The following WAS variants were observed in gnomAD, a reference collection of about 807,000 sequenced individuals.
The protein encoded by WAS is WASP actin nucleation promoting factor, also known as actin nucleation-promoting factor WAS.
WAS carries 1 observed loss-of-function variant against 38.9 expected under a neutral mutation model. The observed-to-expected ratio is 0.03, with a 90% CI of 0.01 to 0.12. The LOEUF (loss-of-function observed/expected upper bound fraction) is 0.12, where lower values mean the gene tolerates loss of function less well. WAS is among the 10% of genes least tolerant of loss of function. The pLI, the probability that WAS is intolerant of heterozygous loss-of-function variation, is 1.00. For synonymous variants in WAS, 182 were observed against 173.6 expected (o/e 1.05, Z -0.38); for missense variants, 311 against 431.2 (o/e 0.72, Z 2.47).
intron 11 of WAS, among the ~76,000 whole-genome samples, chrX:48,689,992 A>G (rs1430625820): frequency 1.9e-5 from 2 of 107,281 alleles, no homozygotes; most frequent in Non-Finnish European, 3.9e-5. Flanking sequence ...CAGAGATCCT[A>G]TCTCAAAAAA....
upstream of WAS, chrX:48,683,722 C>T: frequency 1.0e-6 from 1 of 1,001,316 alleles, no homozygotes; most frequent in Non-Finnish European, 1.3e-6. Flanking sequence ...CACCAAGGGG[C>T]CCCTGGAGGA....
chrX:48,681,049 T>C (rs1273540888), upstream of WAS, among the ~76,000 whole-genome samples: 1 of 111,796 alleles, frequency 8.9e-6, no homozygotes, highest in Non-Finnish European at 1.9e-5. Context: ...GGAACAACAA[T>C]TTCTCTCATA....
chrX:48,689,212 C>T (rs782198309), intron 10 of WAS, 108 bp from the exon 11 acceptor site: 10 of 944,831 alleles, frequency 1.1e-5, no homozygotes, highest in Non-Finnish European at 1.5e-5. Context: ...GGTGGGAAGC[C>T]TTGAAGGGGA....
chrX:48,690,008 A>AT (rs1192825348), intron 11 of WAS, among the ~76,000 whole-genome samples: 8 of 110,796 alleles, frequency 7.2e-5, no homozygotes, highest in African/African-American at 2.6e-4. Flanking sequence ...AAAAAAAAAA[A>AT]AATTAACCCA....
chrX:48,682,221 C>A (rs932310708), upstream of WAS, among the ~76,000 whole-genome samples: 9 of 112,329 alleles, frequency 8.0e-5, no homozygotes, highest in Non-Finnish European at 1.3e-4. Context: ...GAACCAGAAG[C>A]AGCCCAAAGG....
In WAS at chrX:48,684,328, G is replaced by A; in HGVS notation, c.178G>A (p.Gly60Arg). 8.3e-7 allele frequency: 1 copy of A among 1,211,735 alleles called. No individual in the cohort carries two copies. The highest frequency in any genetic ancestry group is 1.1e-6 in the Non-Finnish European group (1 of 895,517). ...TCAGCTGTACCTGGCGCTGCCCCCT[G>A]GAGCTGAGCACTGGACCAAGGAGCA... ...VVQLYLALPP[G>R]AEHWTKEHCG... The change falls in exon 2 of 12, where the codon GGA (glycine) becomes AGA (arginine). Residue 60 changes from glycine (G) to arginine (R), a missense_variant. Physicochemically the swap from Gly to Arg is moderately radical, Grantham distance 125. Around this residue, in one of 4 missense-constraint regions of WAS, gnomAD observed 64 missense variants for 122.5 expected, o/e 0.52. Transcript: ENST00000376701.
In WAS at chrX:48,689,084, G is replaced by A. The variant is rs1557007366; in HGVS notation, c.1338+18G>A. On this transcript the variant is annotated intron_variant, in intron 10 of 11. Coordinates refer to ENST00000376701, the MANE Select transcript of WAS (RefSeq NM_000377.3). ...TGAACAAGGTGAGGACAGGCAGGAT[G>A]GAGGATTGGGGGTCTAGGACTCTGG... The A allele has an allele frequency of 8.4e-7, 1 of 1,187,478 alleles. No homozygotes were observed. Among genetic ancestry groups the A allele is most frequent in the Non-Finnish European group, 1.1e-6 (1 of 882,386 alleles).
chrX:48,689,014 G>A lies in WAS; in HGVS notation c.1286G>A (p.Gly429Glu), dbSNP rs2062430893. ...CCTGCCGGGGGCCTGGCCCCTGGTG[G>A]GGGTCGGGGAGCGCTTTTGGATCAA... ...LVPAGGLAPGGGRGALLDQIR... is the reference protein window; with the variant it reads ...LVPAGGLAPGEGRGALLDQIR... The change falls in exon 10 of 12, where the codon GGG (glycine) becomes GAG (glutamate). Residue 429 changes from glycine (G) to glutamate (E), a missense_variant. This residue lies in a region of WAS where 142 missense variants were observed against 157.6 expected (regional missense o/e 0.90). Transcript: ENST00000376701. 4 of 1,202,571 alleles carry A rather than the reference G, an allele frequency of 3.3e-6. No homozygotes were observed. Among genetic ancestry groups the A allele is most frequent in the Non-Finnish European group, 3.4e-6 (3 of 892,935 alleles).
At chrX:48,682,045 G>A (rs149941344), upstream of WAS, among the ~76,000 whole-genome samples, 97 of 112,107 alleles carry the variant, frequency 8.7e-4, no homozygotes, top group Non-Finnish European at 1.1e-3. Context: ...TGGGGAGGCC[G>A]GGGACTGAGC....
Position 48,685,600 on chromosome X carries a change from C to T in WAS, c.327C>T (p.Thr109=), listed in dbSNP as rs1288545461. 8.3e-7 allele frequency: 1 copy of T among 1,202,914 alleles called. No individual in the cohort carries two copies. Among genetic ancestry groups the T allele is most frequent in the Non-Finnish European group, 1.1e-6 (1 of 891,090 alleles). The change falls in exon 3 of 12, where the codon ACC becomes ACT. Residue 109 remains threonine, a synonymous_variant. Coordinates refer to ENST00000376701, the MANE Select transcript of WAS (RefSeq NM_000377.3). ...QELYSQLVYS[T]PTPFFHTFAG... is the part of the protein sequence containing the mutation. ...TGTACTCACAGCTTGTCTACTCCAC[C>T]CCCACCCCCTTCTTCCACACCTTCG...
intron 6 of WAS, 70 bp from the exon 7 acceptor site, chrX:48,686,711 G>A (rs1195511585): frequency 1.1e-5 from 13 of 1,168,357 alleles, no homozygotes; most frequent in African/African-American, 3.6e-5. Flanking sequence ...CAAGGCTTCC[G>A]TTTCTTGCCC....
At chrX:48,686,402 GTAGA>G (rs1346553279) in intron 6 of WAS, among the ~76,000 whole-genome samples, 1 of 112,041 alleles carries the variant, frequency 8.9e-6, no homozygotes, top group Non-Finnish European at 1.9e-5. Flanking sequence ...GAATGAAAAG[GTAGA>G]TGGATGACTG....
chrX:48,689,398 G>A lies in WAS; in HGVS notation c.1417G>A (p.Val473Met). Residue 473 changes from valine (V) to methionine (M), a missense_variant, in exon 11 of 12, where the codon GTG becomes ATG. Transcript: ENST00000376701. ...SEGLVGALMH[V>M]MQKRSRAIHS... The stretch of plus-strand genomic sequence containing the variant: ...GGGACTGGTGGGGGCCCTGATGCAC[G>A]TGATGCAGAAGAGAAGCAGAGCCAT... 1 of 1,210,001 alleles carries A rather than the reference G, an allele frequency of 8.3e-7. No homozygotes were observed. The highest frequency in any genetic ancestry group is 1.1e-6 in the Non-Finnish European group (1 of 894,943).
chrX:48,689,273 C>G, intron 10 of WAS, 47 bp from the exon 11 acceptor site: 1 of 1,099,904 alleles, frequency 9.1e-7, no homozygotes, highest in Non-Finnish European at 1.2e-6. Context: ...GAGAAATGCT[C>G]CTTTCCCAGG....
rs1307506098 is a variant in WAS, at chrX:48,677,315, C to T, written c.-131+567C>T. Among the ~76,000 whole-genome samples, 3 of 110,517 alleles carry T rather than the reference C, an allele frequency of 2.7e-5. No individual in the cohort carries two copies. In the Admixed American group the frequency reaches 2.9e-4, roughly 11 times the overall value. On this transcript the variant is annotated intron_variant, in intron 1 of 8. Transcript: ENST00000450772. ...CACCAATGGTGGTGGAACCTGGAAG[C>T]CTGAGGGAGGAAGGTGAGGAGGCGC...
At chrX:48,685,450 C>A in intron 2 of WAS, 97 bp from the exon 3 acceptor site, 1 of 647,054 alleles carries the variant, frequency 1.5e-6, no homozygotes, top group East Asian at 3.5e-5. Flanking sequence ...TATGAGGCTC[C>A]CAAATCCAGA....
upstream of WAS, among the ~76,000 whole-genome samples, chrX:48,679,523 C>T (rs2062397026): frequency 9.0e-6 from 1 of 111,638 alleles, no homozygotes; most frequent in Non-Finnish European, 1.9e-5. Context: ...GTGGCTCACA[C>T]CTGTAATCCC....
In WAS at chrX:48,689,360, C is replaced by T. The variant is rs782489472; in HGVS notation, c.1379C>T (p.Pro460Leu). Residue 460 changes from proline to leucine, a missense_variant, in exon 11 of 12, where the codon CCT becomes CTT. Coordinates refer to ENST00000376701, the MANE Select transcript of WAS (RefSeq NM_000377.3). ...GAGAGCTCAGCGCTGCAGCCACCAC[C>T]TCAGAGCTCAGAGGGACTGGTGGGG... The part of the protein sequence containing the change: ...APESSALQPP[P>L]QSSEGLVGAL... The T allele has an allele frequency of 5.0e-6, 6 of 1,209,313 alleles. No individual in the cohort carries two copies. In the South Asian group the frequency reaches 1.1e-4, roughly 22 times the overall value.
intron 6 of WAS, among the ~76,000 whole-genome samples, chrX:48,686,505 A>G (rs2062420380): frequency 8.9e-6 from 1 of 112,835 alleles, no homozygotes; most frequent in Non-Finnish European, 1.9e-5. Flanking sequence ...GATTGAATGA[A>G]TAAATGAGTA....
Sources: allele counts gnomAD v4.1 joint callset (sites outside exome capture counted in the v4.1 genomes callset), GRCh38; gene constraint gnomAD v4.1.1; regional missense constraint gnomAD v4.1.1; transcripts MANE v1.5; gene names NCBI Gene and HGNC (gene_info 2026-07-23, HGNC 2026-07-21).